The following PDE4D variants were observed in gnomAD, a reference collection of about 807,000 sequenced individuals.
PDE4D encodes the protein 3',5'-cyclic-AMP phosphodiesterase 4D.
Under a neutral mutation model 87.4 loss-of-function variants are expected in PDE4D, and 24 were observed. That is an observed-to-expected ratio of 0.27 (90% CI 0.20 to 0.39). The LOEUF is 0.39. Ranked by LOEUF, PDE4D falls within the 10% of genes least tolerant of loss-of-function variation. PDE4D has a pLI of 1.00. For missense variants in PDE4D, 714 were observed against 1,041.0 expected (o/e 0.69, Z 4.32); for synonymous variants, 384 against 383.2 (o/e 1.00, Z -0.02).
chr5:59,335,201 G>T (rs1777453509), intron 1 of PDE4D, among the ~76,000 whole-genome samples: 1 of 152,190 alleles, frequency 6.6e-6, no homozygotes, highest in African/African-American at 2.4e-5. Context: ...TGACCTCAGA[G>T]CACAGTCCAG....
At chr5:59,125,130 T>A (rs912211146) in intron 5 of PDE4D, 1 of 219,644 alleles carries the variant, frequency 4.6e-6, no homozygotes, top group African/African-American at 2.3e-5. Context: ...CTCTCAATGC[T>A]CCTAGTGTTG....
At chr5:59,649,931 T>TTTTTTTTTTTTTTTTTTTG (rs1474090994) in intron 1 of PDE4D, among the ~76,000 whole-genome samples, 2 of 141,262 alleles carry the variant, frequency 1.4e-5, no homozygotes, top group Admixed American at 7.3e-5. Flanking sequence ...TTTTTTTTTT[T>TTTTTTTTTTTTTTTTTTTG]TAGCAATGAC....
intron 1 of PDE4D, among the ~76,000 whole-genome samples, chr5:59,640,072 C>T (rs1469366638): frequency 1.3e-5 from 2 of 151,872 alleles, no homozygotes; most frequent in Non-Finnish European, 2.9e-5. Context: ...ACAATCAATC[C>T]ATCAATGCTC....
intron 5 of PDE4D, 106 bp downstream of exon 5, chr5:59,180,489 A>G: frequency 2.3e-6 from 2 of 872,274 alleles, no homozygotes; most frequent in Non-Finnish European, 3.8e-6. Flanking sequence ...GAATTTCTTT[A>G]ACATTTTCAA....
chr5:58,986,549 A>G (rs993606737), intron 11 of PDE4D, among the ~76,000 whole-genome samples: 3 of 152,218 alleles, frequency 2.0e-5, no homozygotes, highest in African/African-American at 7.2e-5. Flanking sequence ...CAGGGACATT[A>G]GATTCTCCTA....
rs35078554 is a variant in PDE4D, at chr5:59,136,027, T to TAAAA, written c.808+44564_808+44567dup. Among the ~76,000 whole-genome samples, 6 of 149,378 alleles carry TAAAA rather than the reference T, an allele frequency of 4.0e-5. No individual in the cohort carries two copies. In the East Asian group the frequency reaches 1.2e-3, roughly 30 times the overall value. On this transcript the variant is annotated intron_variant, in intron 5 of 14. Transcript: ENST00000340635. Reference sequence around the variant, plus strand: ...TCAAATATTTTAAAAGACTAAATGATAAAAAAAAAAAACCCTAAACAAATT... The same window carrying TAAAA: ...TCAAATATTTTAAAAGACTAAATGATAAAAAAAAAAAAAAAACCCTAAACAAATT...
intron 1 of PDE4D, among the ~76,000 whole-genome samples, chr5:60,504,571 A>G (rs533017849): frequency 6.6e-6 from 1 of 152,150 alleles, no homozygotes; most frequent in South Asian, 2.1e-4. Context: ...AAAATGGGGA[A>G]ACTAAAGCAA....
intron 2 of PDE4D, among the ~76,000 whole-genome samples, chr5:60,036,575 C>A (rs549636019): frequency 6.6e-6 from 1 of 152,108 alleles, no homozygotes. Flanking sequence ...CTCATGTCTC[C>A]GAACTCTTGT....
At chr5:59,347,832 G>T (rs1294648111) in intron 1 of PDE4D, among the ~76,000 whole-genome samples, 1 of 152,096 alleles carries the variant, frequency 6.6e-6, no homozygotes, top group Non-Finnish European at 1.5e-5. Context: ...TATTTATATG[G>T]TTCCATTGAC....
At chr5:59,439,345 G>T in intron 1 of PDE4D, among the ~76,000 whole-genome samples, 1 of 133,836 alleles carries the variant, frequency 7.5e-6, no homozygotes, top group Non-Finnish European at 1.5e-5. Flanking sequence ...GGGTGACAGA[G>T]CAAGACTCTG....
At chr5:60,358,176 C>T (rs1480343392) in intron 1 of PDE4D, among the ~76,000 whole-genome samples, 2 of 152,172 alleles carry the variant, frequency 1.3e-5, no homozygotes, top group African/African-American at 4.8e-5. Flanking sequence ...TTGACCGCTT[C>T]CTAGTGACTG....
intron 1 of PDE4D, among the ~76,000 whole-genome samples, chr5:59,495,457 T>C (rs539481586): frequency 5.3e-5 from 8 of 152,306 alleles, no homozygotes; most frequent in African/African-American, 1.9e-4. Flanking sequence ...TCCATTTTCA[T>C]CCTTCATAAA....
At chr5:59,535,072 T>G (rs1814913433) in intron 1 of PDE4D, among the ~76,000 whole-genome samples, 5 of 77,244 alleles carry the variant, frequency 6.5e-5, no homozygotes, top group African/African-American at 1.3e-4. Flanking sequence ...TGTGTGTGTG[T>G]GTGTGGGGGG....
At chr5:60,148,241 C>T (rs1334477150) in intron 2 of PDE4D, among the ~76,000 whole-genome samples, 1 of 152,146 alleles carries the variant, frequency 6.6e-6, no homozygotes, top group Non-Finnish European at 1.5e-5. Context: ...TCTGAATATA[C>T]TTCCCAAGAG....
At position 59,797,134 on chromosome 5, in the gene PDE4D, T is replaced by TA. The variant is rs36051421; in HGVS notation, c.455+96033dup. 0.31 allele frequency: 35,749 copies of TA among 114,710 alleles called. 5,147 individuals are homozygous for TA. The highest frequency in any genetic ancestry group is 0.34 in the Non-Finnish European group (18,855 of 54,940). The allele number at this position is 114,710 out of a possible 1,614,324, so 7.1% of individuals were successfully genotyped here. A position where few individuals can be genotyped will look rare whatever the true frequency, so the allele number is the denominator to read the frequency against. On this transcript the variant is annotated intron_variant, in intron 1 of 14. Transcript: ENST00000340635. ...GCAGATGGAGGAGAGACATTCTCTC[T>TA]AAAAAAAAAAAAAAAAAAGTCAACC...
At chr5:59,424,650 G>C (rs1183260879) in intron 1 of PDE4D, among the ~76,000 whole-genome samples, 1 of 152,152 alleles carries the variant, frequency 6.6e-6, no homozygotes, top group African/African-American at 2.4e-5. Context: ...ACTATCACGA[G>C]AGCAGCATGG....
rs749818587 is a variant in PDE4D, at chr5:60,504,623, G to A, written n.70+17428C>T. Among the ~76,000 whole-genome samples the A allele has an allele frequency of 5.8e-4, 89 of 152,292 alleles. 1 individual carries two copies. The highest frequency in any genetic ancestry group is 1.8e-3 in the Admixed American group (27 of 15,292). On this transcript the variant is annotated intron_variant and non_coding_transcript_variant, in intron 1 of 2. Transcript: ENST00000506510. ...TCGGAACTGCAGCAAGCTCCAGGTT[G>A]AAGTTGATTGACTTCAGTAAGCTCC...
chr5:59,638,981 TTC>T (rs1741078443), intron 1 of PDE4D, among the ~76,000 whole-genome samples: 2 of 152,190 alleles, frequency 1.3e-5, no homozygotes, highest in African/African-American at 2.4e-5. Context: ...AGAATTTTTG[TTC>T]TATTTTAGTT....
chr5:59,422,178 C>T (rs1794585687), intron 1 of PDE4D, among the ~76,000 whole-genome samples: 1 of 152,186 alleles, frequency 6.6e-6, no homozygotes, highest in East Asian at 1.9e-4. Context: ...CTGAGAACCA[C>T]ATGAATGAAG....
Sources: allele counts gnomAD v4.1 joint callset (sites outside exome capture counted in the v4.1 genomes callset), GRCh38; gene constraint gnomAD v4.1.1; transcripts MANE v1.5; gene names NCBI Gene and HGNC (gene_info 2026-07-23, HGNC 2026-07-21).